Variants in STK25 observed in about 807,000 individuals in gnomAD.
The protein encoded by STK25 is serine/threonine-protein kinase 25.
In STK25, 29 loss-of-function variants were observed where a neutral mutation model predicts 53.8. The ratio of observed to expected loss-of-function variants is 0.54; its 90% CI spans 0.40 to 0.74. The LOEUF is 0.74. STK25 is among the 30% of genes least tolerant of loss of function. STK25 has a pLI of 0.00. For missense variants in STK25, 420 were observed against 568.0 expected, an observed-to-expected ratio of 0.74 and a Z score of 2.65; for synonymous variants, 247 against 238.3, an observed-to-expected ratio of 1.04 and a Z score of -0.33.
At position 241,493,548 on chromosome 2, in the gene STK25, G is replaced by A. The variant is rs2065009708; in HGVS notation, c.*2114C>T. ...AGGCAAGTTTTCTGGGCCCTGGAAA[G>A]GAAGGGCTGAGCAATGCTTCCAGCA... On this transcript the variant is annotated 3_prime_UTR_variant, in exon 12 of 12. Coordinates refer to ENST00000316586, the MANE Select transcript of STK25 (RefSeq NM_001271977.2). 2 of 1,075,756 alleles carry A rather than the reference G, an allele frequency of 1.9e-6. No homozygotes were observed. The highest frequency in any genetic ancestry group is 3.1e-5 in the African/African-American group (2 of 64,052). The allele number at this position is 1,075,756 out of a possible 1,614,324, so 66.6% of individuals were successfully genotyped here.
Position 241,500,209 on chromosome 2 carries a change from G to A in STK25, c.391C>T (p.Leu131=). 6 of 1,614,068 alleles carry A rather than the reference G, an allele frequency of 3.7e-6. No homozygotes were observed. Among genetic ancestry groups the A allele is most frequent in the Non-Finnish European group, 5.1e-6 (6 of 1,180,014 alleles). ...LREILKGLDY[L]HSERKIHRDI... ...CGGTGGATCTTGCGTTCGGAGTGCA[G>A]ATAATCCAGGCCCTTCAGAATCTCC... Residue 131 remains leucine, a synonymous_variant, in exon 5 of 12, where the codon CTG becomes TTG. Coordinates refer to ENST00000316586, the MANE Select transcript of STK25 (RefSeq NM_001271977.2).
intron 2 of STK25, among the ~76,000 whole-genome samples, chr2:241,506,275 C>G (rs1441258087): frequency 6.6e-6 from 1 of 152,226 alleles, no homozygotes; most frequent in African/African-American, 2.4e-5. Context: ...AGTCAAGTCT[C>G]TCATCATCCA....
chr2:241,507,168 G>A (rs2065882103), intron 2 of STK25, among the ~76,000 whole-genome samples: 1 of 152,224 alleles, frequency 6.6e-6, no homozygotes, highest in African/African-American at 2.4e-5. Context: ...AAACCGAACA[G>A]CTAAGATGTA....
chr2:241,508,822 G>T (rs2125020880), upstream of STK25: 1 of 903,554 alleles, frequency 1.1e-6, no homozygotes, highest in Non-Finnish European at 1.3e-6. Context: ...GCCTGGGCGG[G>T]CGGGGCACGT....
intron 1 of STK25, 53 bp downstream of exon 1, chr2:241,508,390 C>T: frequency 2.7e-6 from 3 of 1,103,516 alleles, no homozygotes; most frequent in Non-Finnish European, 3.3e-6. Context: ...CCGGGCCCCT[C>T]CCTCTGCCCC....
chr2:241,502,837 T>G (rs1264707967), intron 2 of STK25, among the ~76,000 whole-genome samples: 4 of 152,128 alleles, frequency 2.6e-5, no homozygotes, highest in African/African-American at 9.7e-5. Flanking sequence ...GTCACGTATT[T>G]AGAAAGGGCT....
chr2:241,495,685 T>G lies in STK25; in HGVS notation c.1258A>C (p.Asn420His), dbSNP rs1451779032. 1 of 1,614,158 alleles carries G rather than the reference T, an allele frequency of 6.2e-7. No homozygotes were observed. The highest frequency in any genetic ancestry group is 8.5e-7 in the Non-Finnish European group (1 of 1,180,000). The change falls in exon 12 of 12, where the codon AAC becomes CAC. Residue 420 changes from asparagine (N) to histidine (H), a missense_variant. Transcript: ENST00000316586. ...ERVQRFSHNR[N>H]HLTSTR is the part of the protein sequence containing the mutation. ...CTTCAGCGGGTGGATGTCAGGTGGT[T>G]TCTGTTGTGTGAAAACCTGCAGAGA... is the stretch of plus-strand genomic sequence containing the variant.
chr2:241,499,241 C>T lies in STK25; in HGVS notation c.585+16G>A, dbSNP rs569822649. 3.1e-6 allele frequency: 5 copies of T among 1,613,816 alleles called. No individual in the cohort carries two copies. The highest frequency in any genetic ancestry group is 1.1e-5 in the South Asian group (1 of 91,074). ...GCCAGGCATGGTGCCCGCACCTGCC[C>T]GCCCGCTGCACCCACCTTGAAGTCG... On this transcript the variant is annotated intron_variant, in intron 6 of 11. Coordinates refer to ENST00000316586, the MANE Select transcript of STK25 (RefSeq NM_001271977.2).
At chr2:241,503,999 T>C (rs1424772508) in intron 2 of STK25, 2 of 470,776 alleles carry the variant, frequency 4.2e-6, no homozygotes, top group South Asian at 3.1e-5. Flanking sequence ...CCAGGGTTCC[T>C]AACCAGGAGG....
chr2:241,497,832 A>C, intron 9 of STK25, 145 bp from the exon 10 acceptor site: 3 of 762,576 alleles, frequency 3.9e-6, no homozygotes, highest in Non-Finnish European at 4.3e-6. Context: ...CCCCAAAACC[A>C]TCAAGCCACC....
chr2:241,496,673 C>T lies in STK25; in HGVS notation c.1105-139G>A, dbSNP rs1380432090. On this transcript the variant is annotated intron_variant, in intron 10 of 11. Coordinates refer to ENST00000316586, the MANE Select transcript of STK25 (RefSeq NM_001271977.2). This position sits in a 1 kb window ranked among gnomAD's most constrained non-coding sequence, Gnocchi z 5.8. ...CACACCCGGGAGCCCTTCAGCAAGCCGGGAAGTGAGGTGGCCCAAGGAAGC... is the reference window on the plus strand; with the variant it reads ...CACACCCGGGAGCCCTTCAGCAAGCTGGGAAGTGAGGTGGCCCAAGGAAGC... 4 of 978,914 alleles carry T rather than the reference C, an allele frequency of 4.1e-6. No individual in the cohort carries two copies. The highest frequency in any genetic ancestry group is 3.3e-5 in the African/African-American group (2 of 61,032). 60.6% of individuals were successfully genotyped at this position (978,914 alleles called of 1,614,324 possible). A position where few individuals can be genotyped will look rare whatever the true frequency, so the allele number is the denominator to read the frequency against.
intron 4 of STK25, 147 bp from the exon 5 acceptor site, chr2:241,500,428 G>A (rs1455340720): frequency 6.2e-6 from 4 of 640,794 alleles, no homozygotes; most frequent in African/African-American, 1.8e-5. Context: ...CTAAGTTTCA[G>A]ATGGGAGTGG....
chr2:241,497,397 C>T, intron 10 of STK25: 1 of 557,478 alleles, frequency 1.8e-6, no homozygotes, highest in South Asian at 2.5e-5. Context: ...AAAAAAGTCA[C>T]CCTAGGAACC....
chr2:241,499,978 G>A (rs545652672), intron 5 of STK25, 195 bp downstream of exon 5: 19 of 682,496 alleles, frequency 2.8e-5, no homozygotes, highest in East Asian at 2.5e-4. Context: ...TTTCCTCAGC[G>A]TACAAGGAAA....
At position 241,495,449 on chromosome 2, in the gene STK25, G is replaced by A. The variant is rs35076778; in HGVS notation, c.*213C>T. The A allele has an allele frequency of 3.5e-6, 2 of 579,206 alleles. No homozygotes were observed. The highest frequency in any genetic ancestry group is 5.7e-5 in the East Asian group (2 of 34,964). 35.9% of individuals were successfully genotyped at this position (579,206 alleles called of 1,614,324 possible). On this transcript the variant is annotated 3_prime_UTR_variant, in exon 12 of 12. Coordinates refer to ENST00000316586, the MANE Select transcript of STK25 (RefSeq NM_001271977.2). ...GCCAGGAGAGGGAGGAGGGCAGTGG[G>A]CATAGAGAACAGCGTCCCTGACGTG...
At chr2:241,508,873 G>C (rs1010940202), upstream of STK25, among the ~76,000 whole-genome samples, 2 of 152,076 alleles carry the variant, frequency 1.3e-5, no homozygotes, top group African/African-American at 4.8e-5. Flanking sequence ...CGCCCTCGCG[G>C]GTCTTCTGCG....
Position 241,493,209 on chromosome 2 carries a change from C to A in STK25, c.*2453G>T. The A allele has an allele frequency of 2.0e-6, 3 of 1,480,794 alleles. No individual in the cohort carries two copies. Among genetic ancestry groups the A allele is most frequent in the South Asian group, 2.4e-5 (2 of 84,346 alleles). The allele number at this position is 1,480,794 out of a possible 1,614,324, so 91.7% of individuals were successfully genotyped here. ...CTTGGCCCGTGGGCATTTGTACGTG[C>A]CACCGTTGTGCAGGTAGCAGAGGAA... On this transcript the variant is annotated 3_prime_UTR_variant, in exon 12 of 12. Coordinates refer to ENST00000316586, the MANE Select transcript of STK25 (RefSeq NM_001271977.2).
At chr2:241,499,877 T>C (rs2065401957) in intron 5 of STK25, 2 of 509,330 alleles carry the variant, frequency 3.9e-6, no homozygotes, top group Non-Finnish European at 7.3e-6. Flanking sequence ...CTGGGGCTAC[T>C]CAATTCTACA....
At chr2:241,497,204 C>T (rs1559828277) in intron 10 of STK25, 2 of 171,286 alleles carry the variant, frequency 1.2e-5, no homozygotes, top group African/African-American at 2.4e-5. Context: ...CCGCTGGCCA[C>T]GCCCTGGGCA....
Sources: allele counts gnomAD v4.1 joint callset (sites outside exome capture counted in the v4.1 genomes callset), GRCh38; gene constraint gnomAD v4.1.1; non-coding constraint Gnocchi (gnomAD v3.1); transcripts MANE v1.5; gene names NCBI Gene and HGNC (gene_info 2026-07-23, HGNC 2026-07-21).